Variants in KHDC1 observed in about 807,000 individuals in gnomAD.
KHDC1 encodes KH homology domain-containing protein 1.
In KHDC1, 21 loss-of-function variants were observed where a neutral mutation model predicts 24.7. The ratio of observed to expected loss-of-function variants is 0.85; its 90% CI spans 0.60 to 1.23. The LOEUF is 1.23. Among genes scored for constraint, KHDC1 ranks in the 50% most tolerant of loss-of-function variants. The pLI is 0.00. For missense variants in KHDC1, 274 were observed against 298.5 expected (o/e 0.92, Z 0.61); for synonymous variants, 98 against 111.7 (o/e 0.88, Z 0.77).
chr6:73,307,859 T>C (rs1157450723), intron 1 of KHDC1, among the ~76,000 whole-genome samples: 2 of 152,102 alleles, frequency 1.3e-5, no homozygotes, highest in African/African-American at 4.8e-5. Context: ...CCCCAGAGTT[T>C]CTGATTCTGT....
chr6:73,296,817 T>C (rs985089342), intron 1 of KHDC1, among the ~76,000 whole-genome samples: 4 of 152,142 alleles, frequency 2.6e-5, no homozygotes, highest in African/African-American at 7.2e-5. Context: ...ACAAACACTA[T>C]ACAGTGAAGT....
chr6:73,274,308 C>T (rs1767238408), intron 2 of KHDC1: 1 of 152,206 alleles, frequency 6.6e-6, no homozygotes, highest in Non-Finnish European at 1.5e-5. Context: ...TCCCAGTCCA[C>T]TTCTATTTAT....
chr6:73,262,362 GTTACAGCATTCCTTC>G (rs1179480156), intron 2 of KHDC1, among the ~76,000 whole-genome samples: 1 of 152,158 alleles, frequency 6.6e-6, no homozygotes, highest in African/African-American at 2.4e-5. Context: ...CTTGTTTCCT[GTTACAGCATTCCTTC>G]TTTTTTTCTT....
chr6:73,285,985 C>G (rs1257849610), intron 2 of KHDC1, among the ~76,000 whole-genome samples: 3 of 152,098 alleles, frequency 2.0e-5, no homozygotes, highest in African/African-American at 7.2e-5. Context: ...AAGCACATTT[C>G]CTATAAATAA....
chr6:73,292,094 C>A, intron 1 of KHDC1: 1 of 1,607,958 alleles, frequency 6.2e-7, no homozygotes, highest in Non-Finnish European at 8.5e-7. Context: ...ATTGGACCTT[C>A]TTAGTGATGC....
At chr6:73,283,007 G>C (rs7759315) in intron 2 of KHDC1, among the ~76,000 whole-genome samples, 35,784 of 152,100 alleles carry the variant, frequency 0.24, 4,905 homozygotes, top group African/African-American at 0.37. Context: ...GCAAGGTGAA[G>C]CCACTGGGCA....
chr6:73,265,693 G>C (rs1767069646), intron 2 of KHDC1, among the ~76,000 whole-genome samples: 1 of 152,138 alleles, frequency 6.6e-6, no homozygotes, highest in Admixed American at 6.6e-5. Flanking sequence ...TAAGTAGACT[G>C]ACAGTTGTGG....
intron 2 of KHDC1, among the ~76,000 whole-genome samples, chr6:73,288,295 T>C (rs181421146): frequency 6.6e-4 from 100 of 152,334 alleles, no homozygotes; most frequent in African/African-American, 2.4e-3. Context: ...GAAGTAAGTA[T>C]TCTCTTCCAT....
At chr6:73,309,432 G>T in intron 1 of KHDC1, 3 of 1,025,164 alleles carry the variant, frequency 2.9e-6, no homozygotes, top group Non-Finnish European at 4.1e-6. Flanking sequence ...TTGCAGAACT[G>T]TCCTAGGCCT....
intron 1 of KHDC1, among the ~76,000 whole-genome samples, chr6:73,307,411 G>A (rs753984050): frequency 9.2e-5 from 14 of 152,070 alleles, no homozygotes; most frequent in Non-Finnish European, 1.8e-4. Context: ...GCGACAGAGC[G>A]AGACCCTGTC....
At chr6:73,308,291 G>A (rs992859375) in intron 1 of KHDC1, among the ~76,000 whole-genome samples, 2 of 151,800 alleles carry the variant, frequency 1.3e-5, no homozygotes, top group Admixed American at 1.3e-4. Context: ...AGCCAGGGTG[G>A]TCTTGATCCC....
At chr6:73,293,606 C>G (rs946443959) in intron 1 of KHDC1, among the ~76,000 whole-genome samples, 12 of 151,984 alleles carry the variant, frequency 7.9e-5, no homozygotes, top group Admixed American at 7.2e-4. Flanking sequence ...ATGGCAAAAC[C>G]CCATCTCTAC....
At chr6:73,305,805 G>C (rs1767951442) in intron 1 of KHDC1, among the ~76,000 whole-genome samples, 1 of 151,994 alleles carries the variant, frequency 6.6e-6, no homozygotes. Context: ...GATTACAGGA[G>C]CCCGCCACCA....
chr6:73,303,560 T>A (rs186044428), intron 1 of KHDC1, among the ~76,000 whole-genome samples: 94 of 152,292 alleles, frequency 6.2e-4, no homozygotes, highest in African/African-American at 2.2e-3. Context: ...AAAATTAACA[T>A]CACCTGTCCT....
At chr6:73,242,292 G>T (rs988167114) in intron 3 of KHDC1, 55 bp from the exon 3 acceptor site, 8 of 1,603,450 alleles carry the variant, frequency 5.0e-6, no homozygotes, top group Non-Finnish European at 6.8e-6. Flanking sequence ...CTTAGGGAAT[G>T]GGGAGGTGGC....
intron 2 of KHDC1, among the ~76,000 whole-genome samples, chr6:73,257,485 G>A (rs372013982): frequency 8.6e-5 from 13 of 151,980 alleles, no homozygotes; most frequent in African/African-American, 2.2e-4. Flanking sequence ...TGCAACCTCC[G>A]CCTCCCAGGT....
At chr6:73,301,307 T>C (rs1767871352) in intron 1 of KHDC1, 1 of 152,146 alleles carries the variant, frequency 6.6e-6, no homozygotes, top group Non-Finnish European at 1.5e-5. Context: ...ATCAACAATA[T>C]ATTATTTACA....
At chr6:73,259,523 T>C (rs1315103907) in intron 2 of KHDC1, among the ~76,000 whole-genome samples, 1 of 152,132 alleles carries the variant, frequency 6.6e-6, no homozygotes, top group East Asian at 1.9e-4. Flanking sequence ...TTACTTCTCC[T>C]TGAGAGGACC....
At chr6:73,292,996 C>T in intron 1 of KHDC1, 1 of 974,188 alleles carries the variant, frequency 1.0e-6, no homozygotes, top group Non-Finnish European at 1.6e-6. Flanking sequence ...AGTGTATCAG[C>T]ATTAACATGT....
Sources: gnomAD v4.1 joint callset for allele counts (sites outside exome capture counted in the v4.1 genomes callset) on GRCh38, gnomAD v4.1.1 for gene constraint, MANE v1.5 for transcripts, NCBI Gene and HGNC (gene_info 2026-07-23, HGNC 2026-07-21) for gene names.